Variants in CUX1 observed in about 807,000 individuals in gnomAD.
CUX1 encodes the protein cut like homeobox 1.
In CUX1, 31 loss-of-function variants were observed where a neutral mutation model predicts 158.8. That is an observed-to-expected ratio of 0.20 (90% confidence interval 0.15 to 0.26). The LOEUF (loss-of-function observed/expected upper bound fraction) is 0.26. CUX1 is among the 10% of genes least tolerant of loss of function. The pLI, the probability that CUX1 is intolerant of heterozygous loss-of-function variation, is 1.00. For synonymous variants in CUX1, 879 were observed against 862.1 expected, an observed-to-expected ratio of 1.02 and a Z score of -0.34; for missense variants, 1,589 against 2,014.6, an observed-to-expected ratio of 0.79 and a Z score of 4.04.
rs1789682153 is a variant in CUX1, at chr7:102,254,606, A to G, written c.*5564A>G. 2 of 985,298 alleles carry G rather than the reference A, an allele frequency of 2.0e-6. No homozygotes were observed. Among genetic ancestry groups the G allele is most frequent in the South Asian group, 9.4e-5 (2 of 21,286 alleles). The allele number at this position is 985,298 out of a possible 1,614,324, so 61.0% of individuals were successfully genotyped here. A position where few individuals can be genotyped will look rare whatever the true frequency, so the allele number is the denominator to read the frequency against. ...GGAGACAGTTTGCAAGTAAGAACCT[A>G]AGGATGGGGACAGCATCCTGTGCTT... On this transcript the variant is annotated 3_prime_UTR_variant, in exon 24 of 24. Coordinates refer to ENST00000292535, the MANE Select transcript of CUX1 (RefSeq NM_181552.4).
intron 20 of CUX1, among the ~76,000 whole-genome samples, chr7:102,216,009 T>G (rs565820893): frequency 6.6e-6 from 1 of 152,206 alleles, no homozygotes; most frequent in East Asian, 1.9e-4. Context: ...GAAAACAACA[T>G]TTAAGACCTC....
chr7:102,142,915 C>G (rs1013159081), intron 8 of CUX1, among the ~76,000 whole-genome samples: 1 of 152,116 alleles, frequency 6.6e-6, no homozygotes, highest in Admixed American at 6.6e-5. Context: ...GAGCAAGACC[C>G]ATCTATTAAA....
chr7:101,950,363 C>A (rs1018836828), intron 2 of CUX1, among the ~76,000 whole-genome samples: 17 of 151,944 alleles, frequency 1.1e-4, no homozygotes, highest in East Asian at 3.9e-4. Context: ...CCCAAAAAAA[C>A]CCAGAAAATT....
chr7:102,007,703 C>G (rs1197885679), intron 2 of CUX1, among the ~76,000 whole-genome samples: 3 of 151,412 alleles, frequency 2.0e-5, no homozygotes, highest in South Asian at 2.1e-4. Flanking sequence ...CTCCTCCCCC[C>G]TCCCTCGCCA....
chr7:102,070,223 G>A (rs1563202612), intron 3 of CUX1, 116 bp from the exon 4 acceptor site: 9 of 825,646 alleles, frequency 1.1e-5, no homozygotes, highest in Admixed American at 2.5e-5. Context: ...CTGAAGCCCA[G>A]TTGTCAAGCA....
chr7:102,012,704 G>GC (rs1226964970), intron 2 of CUX1, among the ~76,000 whole-genome samples: 2 of 122,582 alleles, frequency 1.6e-5, no homozygotes, highest in African/African-American at 5.9e-5. Context: ...GAGAGTGGGG[G>GC]CGGGGGGAGG....
chr7:102,179,970 T>C (rs1586075987), intron 11 of CUX1, among the ~76,000 whole-genome samples: 1 of 152,268 alleles, frequency 6.6e-6, no homozygotes, highest in East Asian at 1.9e-4. Context: ...AAACCTTTTC[T>C]GGTATGAAGT....
At chr7:101,985,913 T>G (rs1157184726) in intron 2 of CUX1, among the ~76,000 whole-genome samples, 2 of 152,170 alleles carry the variant, frequency 1.3e-5, no homozygotes, top group African/African-American at 4.8e-5. Flanking sequence ...TTGCAGAAAT[T>G]TACTTTCCAG....
rs1236390560 is a variant in CUX1 at position 102,256,729 on chromosome 7, C to T, written c.*7687C>T. On this transcript the variant is annotated 3_prime_UTR_variant, in exon 24 of 24. Transcript: ENST00000292535. ...AGTTCCCCAAAGCCTCCTAGAGCCTCTGGTAAGACTTCTGGGTTCATGAAG... is the reference window on the plus strand; with the variant it reads ...AGTTCCCCAAAGCCTCCTAGAGCCTTTGGTAAGACTTCTGGGTTCATGAAG... 6 of 985,312 alleles carry T rather than the reference C, an allele frequency of 6.1e-6. No individual in the cohort carries two copies. The African/African-American group carries it at 8.7e-5, about 14-fold the overall frequency. The allele number at this position is 985,312 out of a possible 1,614,324, so 61.0% of individuals were successfully genotyped here. A position where few individuals can be genotyped will look rare whatever the true frequency, so the allele number is the denominator to read the frequency against.
chr7:101,976,481 C>T (rs1291490345), intron 2 of CUX1, among the ~76,000 whole-genome samples: 2 of 152,090 alleles, frequency 1.3e-5, no homozygotes, highest in African/African-American at 2.4e-5. Flanking sequence ...AAAACCCAGA[C>T]GGGGGCAGGA....
At chr7:101,937,635 C>G (rs1025902863) in intron 2 of CUX1, among the ~76,000 whole-genome samples, 3 of 151,964 alleles carry the variant, frequency 2.0e-5, no homozygotes, top group Non-Finnish European at 4.4e-5. Flanking sequence ...CTTAGCCTCC[C>G]GAGTAGCTGG....
At chr7:102,182,563 C>T (rs1361569439) in intron 11 of CUX1, among the ~76,000 whole-genome samples, 1 of 152,208 alleles carries the variant, frequency 6.6e-6, no homozygotes, top group African/African-American at 2.4e-5. Context: ...CCACGTGTGT[C>T]ATGGGACATC....
intron 14 of CUX1, among the ~76,000 whole-genome samples, chr7:102,266,877 G>C (rs1790847479): frequency 6.6e-6 from 1 of 152,202 alleles, no homozygotes; most frequent in African/African-American, 2.4e-5. Context: ...TTAGACGCTT[G>C]AGAAGAGACA....
chr7:101,887,368 G>A (rs1430749501), intron 1 of CUX1, among the ~76,000 whole-genome samples: 1 of 151,870 alleles, frequency 6.6e-6, no homozygotes, highest in Non-Finnish European at 1.5e-5. Flanking sequence ...GTGCAGTGGT[G>A]TGATTATAGT....
intron 20 of CUX1, chr7:102,280,941 C>A: frequency 7.2e-7 from 1 of 1,396,950 alleles, no homozygotes. Context: ...TGCCCTGCAG[C>A]CCAGGCTGGA....
chr7:102,060,901 C>A (rs967060248), intron 3 of CUX1, among the ~76,000 whole-genome samples: 5 of 147,366 alleles, frequency 3.4e-5, no homozygotes, highest in Non-Finnish European at 7.4e-5. Flanking sequence ...TGTGAACCAC[C>A]GCGCCTGGCC....
At chr7:101,946,442 G>T (rs1808381750) in intron 2 of CUX1, among the ~76,000 whole-genome samples, 1 of 151,682 alleles carries the variant, frequency 6.6e-6, no homozygotes, top group African/African-American at 2.4e-5. Context: ...TACTTGGGAG[G>T]CTGAGGCAGG....
intron 20 of CUX1, among the ~76,000 whole-genome samples, chr7:102,205,520 T>C (rs2132077984): frequency 6.6e-6 from 1 of 152,190 alleles, no homozygotes; most frequent in South Asian, 2.1e-4. Flanking sequence ...GTCCCTCTCC[T>C]GGTGGGGTCA....
At chr7:101,939,635 T>C (rs1324646899) in intron 2 of CUX1, among the ~76,000 whole-genome samples, 1 of 151,830 alleles carries the variant, frequency 6.6e-6, no homozygotes, top group Non-Finnish European at 1.5e-5. Flanking sequence ...AGTTTGAGAC[T>C]GGCCTGGGCA....
Sources: gnomAD v4.1 joint callset for allele counts (sites outside exome capture counted in the v4.1 genomes callset) on GRCh38, gnomAD v4.1.1 for gene constraint, MANE v1.5 for transcripts, NCBI Gene and HGNC (gene_info 2026-07-23, HGNC 2026-07-21) for gene names.